Variants in CSGALNACT1 observed in about 807,000 individuals in gnomAD.
The protein encoded by CSGALNACT1 is beta4GalNAcT-1.
In CSGALNACT1, 52 loss-of-function variants were observed where a neutral mutation model predicts 51.0. That is an observed-to-expected ratio of 1.02 (90% CI 0.82 to 1.29). The LOEUF (loss-of-function observed/expected upper bound fraction) is 1.29, where lower values mean the gene tolerates loss of function less well. Ranked by LOEUF, CSGALNACT1 falls within the 50% of genes most tolerant of loss-of-function variation. The pLI, the probability that CSGALNACT1 is intolerant of heterozygous loss-of-function variation, is 0.00. For synonymous variants in CSGALNACT1, 341 were observed against 254.4 expected, an observed-to-expected ratio of 1.34 and a Z score of -3.24; for missense variants, 935 against 679.2, an observed-to-expected ratio of 1.38 and a Z score of -4.19.
intron 6 of CSGALNACT1, among the ~76,000 whole-genome samples, chr8:19,422,688 G>A (rs530058207): frequency 6.6e-5 from 10 of 152,272 alleles, no homozygotes; most frequent in African/African-American, 1.4e-4. Flanking sequence ...CTATCCTCCC[G>A]TCTCCAAAGA....
intron 3 of CSGALNACT1, among the ~76,000 whole-genome samples, chr8:19,541,210 G>C (rs953920839): frequency 6.6e-6 from 1 of 150,650 alleles, no homozygotes; most frequent in Non-Finnish European, 1.5e-5. Context: ...CTCCCAAGTA[G>C]CTGGAACCAC....
rs186876561 is a variant in CSGALNACT1 at position 19,674,416 on chromosome 8, G to C, written c.-544+8057C>G. Among the ~76,000 whole-genome samples, 16 of 152,316 alleles carry C rather than the reference G, an allele frequency of 1.1e-4. No individual in the cohort carries two copies. The East Asian group carries it at 2.7e-3, about 26-fold the overall frequency. On this transcript the variant is annotated intron_variant, in intron 1 of 9. Transcript: ENST00000332246. ...AAGTTGAGTGAGAGATAATCCTGCA[G>C]ATATGGTGGCAGGGGGGAAGACGGA...
chr8:19,550,837 C>G (rs1282386452), intron 3 of CSGALNACT1, among the ~76,000 whole-genome samples: 1 of 152,176 alleles, frequency 6.6e-6, no homozygotes, highest in Non-Finnish European at 1.5e-5. Context: ...CCATTCCATA[C>G]AGATTTTCAC....
intron 3 of CSGALNACT1, among the ~76,000 whole-genome samples, chr8:19,553,679 G>A (rs917487341): frequency 7.3e-6 from 1 of 136,070 alleles, no homozygotes; most frequent in Non-Finnish European, 1.5e-5. Flanking sequence ...TTATGAATGA[G>A]CAGACACCCA....
At chr8:19,646,794 T>C (rs2057319551) in intron 1 of CSGALNACT1, among the ~76,000 whole-genome samples, 1 of 152,192 alleles carries the variant, frequency 6.6e-6, no homozygotes, top group African/African-American at 2.4e-5. Context: ...AAGAGCTCCA[T>C]AAATGGTACC....
chr8:19,715,746 C>T (rs1459959525), intron 1 of CSGALNACT1, among the ~76,000 whole-genome samples: 1 of 152,128 alleles, frequency 6.6e-6, no homozygotes, highest in Non-Finnish European at 1.5e-5. Context: ...GCTAGTTCTG[C>T]TAGGTGTCTA....
chr8:19,616,538 G>A (rs1473045200), intron 1 of CSGALNACT1, among the ~76,000 whole-genome samples: 1 of 152,164 alleles, frequency 6.6e-6, no homozygotes, highest in Non-Finnish European at 1.5e-5. Context: ...ATGTTGAAAT[G>A]TAATCTGCAA....
chr8:19,664,660 CACACAT>C (rs1390893238), intron 1 of CSGALNACT1, among the ~76,000 whole-genome samples: 19 of 146,376 alleles, frequency 1.3e-4, no homozygotes, highest in African/African-American at 4.2e-4. Flanking sequence ...CACACACACA[CACACAT>C]ACACACATAC....
chr8:19,488,370 CATATATATATATATATATATATATATAT>C (rs56988602), intron 4 of CSGALNACT1, among the ~76,000 whole-genome samples: 138 of 114,476 alleles, frequency 1.2e-3, no homozygotes, highest in Middle Eastern at 4.8e-3. Flanking sequence ...TTTATATATA[CATATATATATATATATATATATATATAT>C]ATATATATAT....
At chr8:19,519,970 C>G (rs28581643) in intron 3 of CSGALNACT1, among the ~76,000 whole-genome samples, 8,552 of 152,302 alleles carry the variant, frequency 0.056, 613 homozygotes, top group African/African-American at 0.16. Flanking sequence ...GGTGCCAGCA[C>G]CCACTGTGGC....
At chr8:19,437,956 G>A (rs1033881922) in intron 6 of CSGALNACT1, among the ~76,000 whole-genome samples, 1 of 152,202 alleles carries the variant, frequency 6.6e-6, no homozygotes, top group Non-Finnish European at 1.5e-5. Context: ...TTGATATGGA[G>A]AAGAATGTAT....
intron 6 of CSGALNACT1, among the ~76,000 whole-genome samples, chr8:19,433,093 G>C (rs983702919): frequency 6.6e-6 from 1 of 152,004 alleles, no homozygotes; most frequent in Non-Finnish European, 1.5e-5. Context: ...TTTGTTGTTT[G>C]TTTAGTGACT....
chr8:19,621,851 A>G (rs1449146890), intron 1 of CSGALNACT1, among the ~76,000 whole-genome samples: 2 of 152,214 alleles, frequency 1.3e-5, no homozygotes, highest in African/African-American at 2.4e-5. Flanking sequence ...TTCCTTTGCT[A>G]AGTCAGATAA....
At chr8:19,442,257 G>A (rs994569865) in intron 5 of CSGALNACT1, among the ~76,000 whole-genome samples, 3 of 152,102 alleles carry the variant, frequency 2.0e-5, no homozygotes, top group Non-Finnish European at 4.4e-5. Context: ...CTGCTATAAA[G>A]ACACATGCAC....
At chr8:19,443,705 T>C (rs1208542380) in intron 5 of CSGALNACT1, among the ~76,000 whole-genome samples, 1 of 152,178 alleles carries the variant, frequency 6.6e-6, no homozygotes, top group Non-Finnish European at 1.5e-5. Context: ...GAGATTACAA[T>C]TCAAGCTGAG....
chr8:19,752,988 C>CCA (rs1448777007), intron 1 of CSGALNACT1, among the ~76,000 whole-genome samples: 1 of 152,184 alleles, frequency 6.6e-6, no homozygotes, highest in East Asian at 1.9e-4. Flanking sequence ...ACTCAGCCAT[C>CCA]CATAACCTTG....
intron 1 of CSGALNACT1, among the ~76,000 whole-genome samples, chr8:19,658,392 G>C (rs1388734243): frequency 6.6e-6 from 1 of 152,130 alleles, no homozygotes; most frequent in African/African-American, 2.4e-5. Flanking sequence ...CTTTAACTAT[G>C]TTTCAAGATA....
chr8:19,661,136 G>C lies in CSGALNACT1; in HGVS notation c.-544+21337C>G, dbSNP rs531061561. On this transcript the variant is annotated intron_variant, in intron 1 of 9. Transcript: ENST00000332246. ...TCACCATGTTGGCCAGGATGGTCTT[G>C]ATCTCCTGACCTTGTGATCTGCCCA... Among the ~76,000 whole-genome samples, 5 of 150,910 alleles carry C rather than the reference G, an allele frequency of 3.3e-5. No homozygotes were observed. In the South Asian group the frequency reaches 1.0e-3, roughly 32 times the overall value.
intron 5 of CSGALNACT1, chr8:19,457,791 C>T (rs763789754): frequency 2.2e-6 from 3 of 1,351,510 alleles, no homozygotes; most frequent in South Asian, 2.3e-5. Context: ...CTTAAAGGCA[C>T]ACATCTAAAA....
Sources: allele counts gnomAD v4.1 joint callset (sites outside exome capture counted in the v4.1 genomes callset), GRCh38; gene constraint gnomAD v4.1.1; transcripts MANE v1.5; gene names NCBI Gene and HGNC (gene_info 2026-07-23, HGNC 2026-07-21).